The following SHROOM4 variants were observed in gnomAD, a reference collection of about 807,000 sequenced individuals.
The protein encoded by SHROOM4 is protein Shroom4.
In SHROOM4, 17 loss-of-function variants were observed where a neutral mutation model predicts 80.3. The observed-to-expected ratio is 0.21, with a 90% CI of 0.14 to 0.32. SHROOM4 has a LOEUF of 0.32. Among genes scored for constraint, SHROOM4 ranks in the 10% least tolerant of loss-of-function variants. The pLI is 1.00. For synonymous variants in SHROOM4, 400 were observed against 437.5 expected (o/e 0.91, Z 1.07); for missense variants, 993 against 1,140.3 (o/e 0.87, Z 1.86).
At chrX:50,795,092 TATATATATG>T (rs1424681996) in intron 1 of SHROOM4, among the ~76,000 whole-genome samples, 1,198 of 65,023 alleles carry the variant, frequency 0.018, 238 homozygotes, top group African/African-American at 0.082. Context: ...ATATATGATA[TATATATATG>T]ATATATATAT....
intron 4 of SHROOM4, among the ~76,000 whole-genome samples, chrX:50,628,008 C>A (rs1557253423): frequency 1.8e-5 from 2 of 112,343 alleles, no homozygotes; most frequent in Non-Finnish European, 3.8e-5. Context: ...CTCTTGCCTG[C>A]ACAGAGAGAT....
intron 4 of SHROOM4, 43 bp downstream of exon 4, chrX:50,633,135 A>G (rs1931138881): frequency 8.9e-7 from 1 of 1,117,578 alleles, no homozygotes; most frequent in African/African-American, 1.8e-5. Flanking sequence ...TCCCCTCTCA[A>G]AGACAATAAT....
intron 1 of SHROOM4, among the ~76,000 whole-genome samples, chrX:50,785,060 A>G (rs1935710945): frequency 8.9e-6 from 1 of 112,126 alleles, no homozygotes; most frequent in Admixed American, 9.5e-5. Flanking sequence ...AACTACAAAG[A>G]AATTCCAATA....
chrX:50,661,215 T>TTTTTTG (rs782322244), intron 2 of SHROOM4, among the ~76,000 whole-genome samples: 77 of 111,521 alleles, frequency 6.9e-4, no homozygotes, highest in Non-Finnish European at 9.2e-4. Context: ...TGGTTGGTTG[T>TTTTTTG]TTTTTGTTTT....
intron 1 of SHROOM4, among the ~76,000 whole-genome samples, chrX:50,750,033 C>T (rs782087700): frequency 6.3e-4 from 70 of 111,872 alleles, no homozygotes; most frequent in African/African-American, 2.2e-3. Flanking sequence ...GCCACCAACA[C>T]AAGAGGACAG....
intron 2 of SHROOM4, among the ~76,000 whole-genome samples, chrX:50,688,792 A>T (rs1933147443): frequency 9.1e-6 from 1 of 110,296 alleles, no homozygotes; most frequent in Admixed American, 9.6e-5. Context: ...GGAAGGACTC[A>T]GGAGTTTTTT....
Position 50,634,706 on chromosome X carries a change from C to T in SHROOM4, c.1367G>A (p.Gly456Glu). 8.3e-7 allele frequency: 1 copy of T among 1,211,636 alleles called. No individual in the cohort carries two copies. Among genetic ancestry groups the T allele is most frequent in the Non-Finnish European group, 1.1e-6 (1 of 895,545 alleles). Residue 456 changes from glycine to glutamate, a missense_variant, in exon 4 of 9, where the codon GGG becomes GAG. Physicochemically the swap from Gly to Glu is moderately conservative, Grantham distance 98. Coordinates refer to ENST00000376020, the MANE Select transcript of SHROOM4 (RefSeq NM_020717.5). ...TLSPLHSSHK[G>E]KKSPCPPTGG... The stretch of plus-strand genomic sequence containing the variant: ...TGTAGGGGGGCATGGACTTTTCTTC[C>T]CTTTGTGGCTGCTGTGCAAAGGGGA...
intron 1 of SHROOM4, among the ~76,000 whole-genome samples, chrX:50,754,658 T>G (rs1935000631): frequency 9.0e-6 from 1 of 111,136 alleles, no homozygotes; most frequent in African/African-American, 3.3e-5. Context: ...AATCAAAAGG[T>G]TTGTAGGCTC....
the SHROOM4 span, among the ~76,000 whole-genome samples, chrX:50,581,525 C>A: frequency 9.0e-6 from 1 of 111,441 alleles, no homozygotes; most frequent in Non-Finnish European, 1.9e-5. Context: ...TAAAGAGTTG[C>A]AGCTGCAGCC....
At position 50,596,833 on chromosome X, in the gene SHROOM4, G is replaced by C. The variant is rs781869754; in HGVS notation, c.4344C>G (p.Leu1448=). The change falls in exon 9 of 9, where the codon CTC becomes CTG. Residue 1448 remains leucine, a synonymous_variant. Coordinates refer to ENST00000376020, the MANE Select transcript of SHROOM4 (RefSeq NM_020717.5). The stretch of plus-strand genomic sequence containing the variant: ...TCTTGACAAAGTGCTGGTAATCTTG[G>C]AGCTGGTCCTGAGGCAGGTAGCGGG... The part of the protein sequence containing the change: ...MVSRYLPQDQ[L]QDYQHFVKMK... 4 of 1,209,609 alleles carry C rather than the reference G, an allele frequency of 3.3e-6. No individual in the cohort carries two copies. The South Asian group carries it at 7.1e-5, about 21-fold the overall frequency.
At chrX:50,782,885 C>T (rs900728024) in intron 1 of SHROOM4, among the ~76,000 whole-genome samples, 2 of 111,480 alleles carry the variant, frequency 1.8e-5, no homozygotes, top group Non-Finnish European at 3.8e-5. Flanking sequence ...TGCTAATCAA[C>T]AGGAATAAAA....
intron 1 of SHROOM4, among the ~76,000 whole-genome samples, chrX:50,775,289 G>C (rs1205861114): frequency 1.8e-5 from 2 of 111,760 alleles, no homozygotes; most frequent in African/African-American, 6.5e-5. Context: ...ACAGTCAATG[G>C]TATCTAAAGG....
chrX:50,633,811 C>G lies in SHROOM4; in HGVS notation c.2262G>C (p.Leu754Phe). ...GPSNPGDNKE[L>F]KASTAQAGED... ...CCCCAGCTTGAGCAGTAGAAGCCTT[C>G]AATTCCTTGTTGTCACCTGGGTTGG... Residue 754 changes from leucine (L) to phenylalanine (F), a missense_variant, in exon 4 of 9, where the codon TTG becomes TTC. By Grantham distance (22) the Leu-to-Phe change is conservative (BLOSUM62 0). Coordinates refer to ENST00000376020, the MANE Select transcript of SHROOM4 (RefSeq NM_020717.5). The G allele has an allele frequency of 8.2e-7, 1 of 1,212,413 alleles. No homozygotes were observed. Among genetic ancestry groups the G allele is most frequent in the Non-Finnish European group, 1.1e-6 (1 of 895,669 alleles).
At chrX:50,734,906 G>A (rs971781373) in intron 1 of SHROOM4, among the ~76,000 whole-genome samples, 6 of 105,764 alleles carry the variant, frequency 5.7e-5, no homozygotes, top group Admixed American at 5.1e-4. Context: ...GCCCACCCCC[G>A]CCGCCAGGTA....
chrX:50,786,827 C>T (rs1042626649), intron 1 of SHROOM4, among the ~76,000 whole-genome samples: 15 of 111,325 alleles, frequency 1.3e-4, no homozygotes, highest in Non-Finnish European at 2.1e-4. Context: ...TATGATTTAC[C>T]TGACAGCCAA....
At chrX:50,597,412 T>C (rs1929164239) in intron 8 of SHROOM4, among the ~76,000 whole-genome samples, 1 of 111,885 alleles carries the variant, frequency 8.9e-6, no homozygotes. Context: ...GTGCCTCTTG[T>C]TGTGGATTCA....
chrX:50,751,987 A>G (rs1557268083), intron 1 of SHROOM4, among the ~76,000 whole-genome samples: 1 of 112,303 alleles, frequency 8.9e-6, no homozygotes, highest in African/African-American at 3.2e-5. Flanking sequence ...ATTTCTGTAA[A>G]TGAAAGTTAC....
intron 2 of SHROOM4, among the ~76,000 whole-genome samples, chrX:50,672,660 A>C (rs1557260931): frequency 9.0e-6 from 1 of 111,148 alleles, no homozygotes; most frequent in African/African-American, 3.3e-5. Flanking sequence ...TTGGCAAAAG[A>C]CATAAACCTG....
At chrX:50,685,878 C>T (rs1344978825) in intron 2 of SHROOM4, among the ~76,000 whole-genome samples, 1 of 112,039 alleles carries the variant, frequency 8.9e-6, no homozygotes, top group African/African-American at 3.2e-5. Flanking sequence ...CAAAGAGGCA[C>T]ATTTAAGAAA....
Sources: allele counts gnomAD v4.1 joint callset (sites outside exome capture counted in the v4.1 genomes callset), GRCh38; gene constraint gnomAD v4.1.1; transcripts MANE v1.5; gene names NCBI Gene and HGNC (gene_info 2026-07-23, HGNC 2026-07-21).